The following EPHB1 variants were observed in gnomAD, a reference collection of about 807,000 sequenced individuals.
The protein encoded by EPHB1 is ephrin type-B receptor 1.
EPHB1 carries 30 observed loss-of-function variants against 94.4 expected under a neutral mutation model. The observed-to-expected ratio is 0.32, with a 90% CI of 0.24 to 0.43. The LOEUF (loss-of-function observed/expected upper bound fraction) is 0.43, where lower values mean the gene tolerates loss of function less well. EPHB1 is among the 20% of genes least tolerant of loss of function. The pLI is 1.00. For missense variants in EPHB1, 1,055 were observed against 1,308.3 expected (o/e 0.81, Z 2.99); for synonymous variants, 522 against 489.1 (o/e 1.07, Z -0.89).
chr3:134,861,900 A>G (rs957850017), intron 1 of EPHB1, among the ~76,000 whole-genome samples: 1 of 152,190 alleles, frequency 6.6e-6, no homozygotes, highest in Non-Finnish European at 1.5e-5. Context: ...AATTAAAAAA[A>G]AGAGAATAGC....
At chr3:135,104,808 G>T (rs1939151460) in intron 3 of EPHB1, among the ~76,000 whole-genome samples, 1 of 152,110 alleles carries the variant, frequency 6.6e-6, no homozygotes, top group African/African-American at 2.4e-5. Flanking sequence ...GTCCAAAATG[G>T]CACCCCACCC....
intron 1 of EPHB1, among the ~76,000 whole-genome samples, chr3:134,915,234 G>A (rs1028357275): frequency 5.3e-5 from 8 of 152,134 alleles, no homozygotes; most frequent in Non-Finnish European, 1.5e-5. Context: ...GCCTTATTTG[G>A]AAACAGGGTT....
chr3:135,066,490 T>C (rs1223689643), intron 3 of EPHB1, among the ~76,000 whole-genome samples: 3 of 152,238 alleles, frequency 2.0e-5, no homozygotes, highest in Admixed American at 6.5e-5. Flanking sequence ...GTTCTACTGC[T>C]GAGAGTTTCC....
chr3:134,985,699 C>T (rs1449184926), intron 3 of EPHB1, among the ~76,000 whole-genome samples: 2 of 152,116 alleles, frequency 1.3e-5, no homozygotes, highest in Non-Finnish European at 2.9e-5. Context: ...CCAGCACATT[C>T]GATGGACAGA....
intron 3 of EPHB1, among the ~76,000 whole-genome samples, chr3:135,060,728 C>T (rs1937476064): frequency 1.3e-5 from 2 of 152,218 alleles, no homozygotes; most frequent in South Asian, 4.1e-4. Flanking sequence ...GCATAATAAA[C>T]ATACCATGGA....
At chr3:135,205,123 T>G (rs776439685) in intron 12 of EPHB1, among the ~76,000 whole-genome samples, 4 of 152,036 alleles carry the variant, frequency 2.6e-5, no homozygotes, top group Non-Finnish European at 5.9e-5. Context: ...AATGACAGGA[T>G]CTCATTATTT....
chr3:134,859,134 G>C (rs895995292), intron 1 of EPHB1, among the ~76,000 whole-genome samples: 1 of 152,146 alleles, frequency 6.6e-6, no homozygotes. Flanking sequence ...CTTCTCCCTG[G>C]TTTCTTGAGT....
chr3:134,851,868 C>T (rs1003227562), intron 1 of EPHB1, among the ~76,000 whole-genome samples: 1 of 152,146 alleles, frequency 6.6e-6, no homozygotes, highest in Non-Finnish European at 1.5e-5. Context: ...GTAGCTTTGT[C>T]CATGTTCAGA....
intron 4 of EPHB1, among the ~76,000 whole-genome samples, chr3:135,115,247 T>C (rs1939642321): frequency 6.6e-6 from 1 of 152,206 alleles, no homozygotes; most frequent in Non-Finnish European, 1.5e-5. Flanking sequence ...GAATGCTCCT[T>C]TGTGGTCTCA....
intron 3 of EPHB1, among the ~76,000 whole-genome samples, chr3:135,056,621 T>G (rs898063730): frequency 6.6e-6 from 1 of 152,246 alleles, no homozygotes; most frequent in African/African-American, 2.4e-5. Flanking sequence ...GATAGCAACA[T>G]CAAATCCAGA....
chr3:135,188,959 A>G (rs1942395420), intron 10 of EPHB1, among the ~76,000 whole-genome samples: 1 of 152,226 alleles, frequency 6.6e-6, no homozygotes, highest in Non-Finnish European at 1.5e-5. Flanking sequence ...GAGCAGTGAC[A>G]CCATGACCAC....
chr3:134,951,633 G>T lies in EPHB1; in HGVS notation c.386G>T (p.Trp129Leu). The change falls in exon 3 of 16, where the codon TGG becomes TTG. Residue 129 changes from tryptophan to leucine, a missense_variant. Transcript: ENST00000398015. The surrounding 1 kb of genome is among the most constrained non-coding windows in gnomAD (Gnocchi z 4.5). Reference sequence around the variant, plus strand: ...ATTGCCACCAAGAAGTCAGCCTTCTGGTCTGAGGCCCCCTACCTCAAAGTA... The same window carrying T: ...ATTGCCACCAAGAAGTCAGCCTTCTTGTCTGAGGCCCCCTACCTCAAAGTA... Reference protein sequence around the residue: ...SVIATKKSAFWSEAPYLKVDT... With the variant: ...SVIATKKSAFLSEAPYLKVDT... The T allele has an allele frequency of 6.2e-7, 1 of 1,614,058 alleles. No homozygotes were observed. The highest frequency in any genetic ancestry group is 8.5e-7 in the Non-Finnish European group (1 of 1,179,986).
At chr3:134,838,433 C>T (rs1168844234) in intron 1 of EPHB1, among the ~76,000 whole-genome samples, 2 of 152,122 alleles carry the variant, frequency 1.3e-5, no homozygotes, top group African/African-American at 4.8e-5. Flanking sequence ...TCACAGCTTC[C>T]CTGGGCTTAT....
intron 3 of EPHB1, among the ~76,000 whole-genome samples, chr3:135,061,977 T>A (rs1937517746): frequency 6.6e-6 from 1 of 152,214 alleles, no homozygotes; most frequent in Non-Finnish European, 1.5e-5. Context: ...TGTGCCATAT[T>A]TTCTTAACCC....
chr3:134,824,331 G>A (rs972241284), intron 1 of EPHB1, among the ~76,000 whole-genome samples: 1 of 152,020 alleles, frequency 6.6e-6, no homozygotes, highest in Non-Finnish European at 1.5e-5. Context: ...GCAGAAACTC[G>A]ATGTTGACTC....
intron 4 of EPHB1, among the ~76,000 whole-genome samples, chr3:135,107,879 AT>A (rs1939281851): frequency 6.6e-6 from 1 of 152,164 alleles, no homozygotes; most frequent in Admixed American, 6.5e-5. Flanking sequence ...AACAAAAATG[AT>A]TGTTTCTGCT....
chr3:135,036,201 C>T (rs1349776578), intron 3 of EPHB1, among the ~76,000 whole-genome samples: 1 of 152,178 alleles, frequency 6.6e-6, no homozygotes. Flanking sequence ...GGTAGCACAG[C>T]AAGGCCGTTG....
chr3:135,250,772 C>T (rs1933047349), intron 15 of EPHB1, among the ~76,000 whole-genome samples: 1 of 152,100 alleles, frequency 6.6e-6, no homozygotes, highest in Non-Finnish European at 1.5e-5. Flanking sequence ...GTACCGATAG[C>T]ACATATTGTG....
intron 1 of EPHB1, among the ~76,000 whole-genome samples, chr3:134,872,117 T>C (rs376292316): frequency 6.6e-6 from 1 of 152,204 alleles, no homozygotes; most frequent in Non-Finnish European, 1.5e-5. Flanking sequence ...CTCTGGTACA[T>C]TCTGTTTGTT....
Sources: allele counts gnomAD v4.1 joint callset (sites outside exome capture counted in the v4.1 genomes callset), GRCh38; gene constraint gnomAD v4.1.1; non-coding constraint Gnocchi (gnomAD v3.1); transcripts MANE v1.5; gene names NCBI Gene and HGNC (gene_info 2026-07-23, HGNC 2026-07-21).